The following AFF4 variants were observed in gnomAD, a reference collection of about 807,000 sequenced individuals.
AFF4 encodes ALF transcription elongation factor 4.
A neutral mutation model predicts 124.8 loss-of-function variants in AFF4; 13 were observed. That is an observed-to-expected ratio of 0.10 (90% CI 0.07 to 0.17). The LOEUF is 0.17. Among genes scored for constraint, AFF4 ranks in the 10% least tolerant of loss-of-function variants. The pLI is 1.00. For missense variants in AFF4, 1,092 were observed against 1,403.8 expected, an observed-to-expected ratio of 0.78 and a Z score of 3.55; for synonymous variants, 477 against 496.1, an observed-to-expected ratio of 0.96 and a Z score of 0.51.
intron 1 of AFF4, among the ~76,000 whole-genome samples, chr5:132,951,917 A>C (rs1027296416): frequency 6.6e-6 from 1 of 152,256 alleles, no homozygotes; most frequent in Non-Finnish European, 1.5e-5. Context: ...ATTATTAAAA[A>C]GGTATACTCT....
intron 5 of AFF4, among the ~76,000 whole-genome samples, chr5:132,914,217 G>C (rs56159746): frequency 0.016 from 2,371 of 150,836 alleles, 69 homozygotes; most frequent in African/African-American, 0.056. Flanking sequence ...AACGGAGCAA[G>C]ACTCCATCTA....
Position 132,896,880 on chromosome 5 carries a change from T to C in AFF4, c.1750A>G (p.Ile584Val), listed in dbSNP as rs767807337. The change falls in exon 11 of 21, where the codon ATA becomes GTA. Residue 584 changes from isoleucine to valine, a missense_variant. Around this residue, in one of 11 missense-constraint regions of AFF4, gnomAD observed 174 missense variants for 205.9 expected, o/e 0.84. Transcript: ENST00000265343. Reference sequence around the variant, plus strand: ...AAGTCTACAGGGGTTTCACTTTCTATCTTCAGGCCTCCACGAGGCTCTTCA... The same window carrying C: ...AAGTCTACAGGGGTTTCACTTTCTACCTTCAGGCCTCCACGAGGCTCTTCA... ...AAEEPRGGLKIESETPVDLAS... is the reference protein window; with the variant it reads ...AAEEPRGGLKVESETPVDLAS... The C allele has an allele frequency of 1.9e-6, 3 of 1,614,168 alleles. No individual in the cohort carries two copies. The highest frequency in any genetic ancestry group is 1.7e-6 in the Non-Finnish European group (2 of 1,180,028).
chr5:132,900,562 A>AAAAAC (rs1429238357), intron 7 of AFF4, among the ~76,000 whole-genome samples: 2 of 152,198 alleles, frequency 1.3e-5, no homozygotes, highest in African/African-American at 4.8e-5. Flanking sequence ...TCTGTCTCAA[A>AAAAAC]AAAACAAAAC....
rs1035315093 is a variant in AFF4, at chr5:132,876,154, CTTT to C, written c.*4902_*4904del. 7.3e-5 allele frequency: 17 copies of C among 231,464 alleles called. No individual in the cohort carries two copies. The highest frequency in any genetic ancestry group is 3.8e-4 in the African/African-American group (17 of 45,212). The allele number at this position is 231,464 out of a possible 1,614,324, so 14.3% of individuals were successfully genotyped here. A position where few individuals can be genotyped will look rare whatever the true frequency, so the allele number is the denominator to read the frequency against. The stretch of plus-strand genomic sequence containing the variant: ...CACAACTGGCCCTTAAAGGTGGTGC[CTTT>C]TCAGGCAATGTCAACTGGCCAGTTC... On this transcript the variant is annotated 3_prime_UTR_variant, in exon 21 of 21. Coordinates refer to ENST00000265343, the MANE Select transcript of AFF4 (RefSeq NM_014423.4).
At chr5:132,949,458 C>T (rs1295402843) in intron 1 of AFF4, among the ~76,000 whole-genome samples, 1 of 152,156 alleles carries the variant, frequency 6.6e-6, no homozygotes, top group Admixed American at 6.5e-5. Context: ...GGAAGGACCG[C>T]TTGAGCCCAG....
intron 13 of AFF4, 66 bp downstream of exon 13, chr5:132,892,090 GCACAGTGT>G (rs1334256876): frequency 3.1e-6 from 5 of 1,605,240 alleles, no homozygotes; most frequent in Non-Finnish European, 4.3e-6. Context: ...TAATTTCAAA[GCACAGTGT>G]CACCCTGGAA....
intron 1 of AFF4, among the ~76,000 whole-genome samples, chr5:132,945,921 G>A (rs1224099038): frequency 2.0e-5 from 3 of 151,718 alleles, no homozygotes; most frequent in African/African-American, 4.8e-5. Context: ...TTAGCCAGGC[G>A]TGGTGGCGCA....
chr5:132,963,454 C>G lies in AFF4; in HGVS notation c.-200G>C. On this transcript the variant is annotated 5_prime_UTR_variant, in exon 1 of 21. Coordinates refer to ENST00000265343, the MANE Select transcript of AFF4 (RefSeq NM_014423.4). ...AAGGCGGCGTCGGCGGCGGCGGCAG[C>G]GATGCGCCTCACACGGAACAGGCGT... 1 of 398,354 alleles carries G rather than the reference C, an allele frequency of 2.5e-6. No homozygotes were observed. Among genetic ancestry groups the G allele is most frequent in the East Asian group, 3.6e-5 (1 of 28,056 alleles). 24.7% of individuals were successfully genotyped at this position (398,354 alleles called of 1,614,324 possible). A position where few individuals can be genotyped will look rare whatever the true frequency, so the allele number is the denominator to read the frequency against.
At chr5:132,887,806 T>TA in intron 16 of AFF4, 40 bp downstream of exon 16, 1 of 1,607,532 alleles carries the variant, frequency 6.2e-7, no homozygotes, top group Non-Finnish European at 8.5e-7. Context: ...ACCAGAGAAA[T>TA]AATGTTATTG....
rs1761371368 is a variant in AFF4 at position 132,934,394 on chromosome 5, G to A, written c.671C>T (p.Ser224Phe). The A allele has an allele frequency of 1.2e-6, 2 of 1,614,062 alleles. No individual in the cohort carries two copies. Among genetic ancestry groups the A allele is most frequent in the Non-Finnish European group, 1.7e-6 (2 of 1,180,048 alleles). The change falls in exon 3 of 21, where the codon TCC becomes TTC. Residue 224 changes from serine to phenylalanine, a missense_variant. This residue lies in a region of AFF4 where 188 missense variants were observed against 203.0 expected (regional missense o/e 0.93). Coordinates refer to ENST00000265343, the MANE Select transcript of AFF4 (RefSeq NM_014423.4). ...CTGCCCACTTGAAAAAGGTACACGG[G>A]AAGGAGAATCCCAGTTTGCATCAGG... is the stretch of plus-strand genomic sequence containing the variant. ...RDPDANWDSP[S>F]RVPFSSGQHS...
At chr5:132,912,883 A>ACACACACACG (rs398038054) in intron 5 of AFF4, among the ~76,000 whole-genome samples, 6 of 151,372 alleles carry the variant, frequency 4.0e-5, no homozygotes, top group Non-Finnish European at 5.9e-5. Flanking sequence ...ACACACACAC[A>ACACACACACG]AAAGGGCTGA....
chr5:132,945,569 T>A (rs1433753711), intron 1 of AFF4: 1 of 152,124 alleles, frequency 6.6e-6, no homozygotes, highest in Non-Finnish European at 1.5e-5. Flanking sequence ...CTGGCCAACA[T>A]AGTGAAACCC....
rs935399825 is a variant in AFF4, at chr5:132,875,605, C to T, written c.*5454G>A. On this transcript the variant is annotated 3_prime_UTR_variant, in exon 21 of 21. Transcript: ENST00000265343. ...TTTGACACTCTAAACTTTCTATACT[C>T]TCAATACCACAAAATACATATAATA... The T allele has an allele frequency of 5.1e-6, 1 of 194,668 alleles. No homozygotes were observed. The highest frequency in any genetic ancestry group is 2.3e-5 in the African/African-American group (1 of 43,122). The allele number at this position is 194,668 out of a possible 1,614,324, so 12.1% of individuals were successfully genotyped here.
At chr5:132,956,688 T>C (rs1162489718) in intron 1 of AFF4, among the ~76,000 whole-genome samples, 6 of 150,856 alleles carry the variant, frequency 4.0e-5, no homozygotes, top group Non-Finnish European at 8.9e-5. Flanking sequence ...CCTAAAATAT[T>C]GACTTGCTAA....
rs552136485 is a variant in AFF4 at position 132,907,204 on chromosome 5, C to A, written c.1051-2800G>T. ...TACCTACAATGGCCTTCTAATGGATCTTCCTAGCTCTAGTTTATCTCCTTT... is the reference window on the plus strand; with the variant it reads ...TACCTACAATGGCCTTCTAATGGATATTCCTAGCTCTAGTTTATCTCCTTT... On this transcript the variant is annotated intron_variant, in intron 5 of 20. Coordinates refer to ENST00000265343, the MANE Select transcript of AFF4 (RefSeq NM_014423.4). Among the ~76,000 whole-genome samples the A allele has an allele frequency of 2.6e-5, 4 of 152,268 alleles. No homozygotes were observed. The East Asian group carries it at 5.8e-4, about 22-fold the overall frequency.
intron 3 of AFF4, among the ~76,000 whole-genome samples, chr5:132,932,865 T>C (rs913037943): frequency 6.6e-6 from 1 of 152,220 alleles, no homozygotes; most frequent in Non-Finnish European, 1.5e-5. Context: ...CTAAAGATCA[T>C]GTTGTTTAAG....
intron 5 of AFF4, among the ~76,000 whole-genome samples, chr5:132,915,277 C>G (rs1760883196): frequency 6.7e-6 from 1 of 150,178 alleles, no homozygotes; most frequent in Non-Finnish European, 1.5e-5. Context: ...GGAGGCGGAG[C>G]TTGCAGTGAG....
chr5:132,938,269 CTTT>C (rs780241930), intron 1 of AFF4, among the ~76,000 whole-genome samples: 1 of 143,550 alleles, frequency 7.0e-6, no homozygotes. Context: ...GTATTATACT[CTTT>C]TTTTTTTTTT....
intron 1 of AFF4, among the ~76,000 whole-genome samples, chr5:132,958,688 G>A (rs1405724646): frequency 1.3e-5 from 2 of 152,064 alleles, no homozygotes; most frequent in African/African-American, 2.4e-5. Context: ...AAGGTAAGAA[G>A]GTGTGTCTCT....
Sources: allele counts gnomAD v4.1 joint callset (sites outside exome capture counted in the v4.1 genomes callset), GRCh38; gene constraint gnomAD v4.1.1; regional missense constraint gnomAD v4.1.1; transcripts MANE v1.5; gene names NCBI Gene and HGNC (gene_info 2026-07-23, HGNC 2026-07-21).